Variants in DTNBP1 observed in about 807,000 individuals in gnomAD.
DTNBP1 encodes dystrobrevin binding protein 1, also known as dysbindin.
In DTNBP1, 35 loss-of-function variants were observed where a neutral mutation model predicts 42.8. The ratio of observed to expected loss-of-function variants is 0.82; its 90% CI spans 0.63 to 1.09. The LOEUF is 1.09. Ranked by LOEUF, DTNBP1 falls within the 50% of genes least tolerant of loss-of-function variation. The pLI, the probability that DTNBP1 is intolerant of heterozygous loss-of-function variation, is 0.00. For synonymous variants in DTNBP1, 171 were observed against 162.2 expected (o/e 1.05, Z -0.41); for missense variants, 457 against 424.2 (o/e 1.08, Z -0.68).
intron 7 of DTNBP1, among the ~76,000 whole-genome samples, chr6:15,575,999 T>A (rs1391769705): frequency 5.3e-5 from 8 of 152,208 alleles, no homozygotes; most frequent in Non-Finnish European, 8.8e-5. Flanking sequence ...CGGGATGACT[T>A]TTGTCTACTA....
At chr6:15,527,453 T>C (rs1440951080) in intron 8 of DTNBP1, among the ~76,000 whole-genome samples, 1 of 152,132 alleles carries the variant, frequency 6.6e-6, no homozygotes, top group Non-Finnish European at 1.5e-5. Context: ...ACAAATCAAA[T>C]ATGAAATGCT....
intron 7 of DTNBP1, among the ~76,000 whole-genome samples, chr6:15,573,044 A>C (rs2113533810): frequency 6.6e-6 from 1 of 152,306 alleles, no homozygotes; most frequent in East Asian, 1.9e-4. Context: ...CCATGTTCTT[A>C]ATCATCTGCT....
At chr6:15,540,162 A>T (rs1383296413) in intron 7 of DTNBP1, among the ~76,000 whole-genome samples, 2 of 152,150 alleles carry the variant, frequency 1.3e-5, no homozygotes, top group African/African-American at 4.8e-5. Flanking sequence ...AGTACTCTTA[A>T]TAAATCTGCA....
rs1180058887 is a variant in DTNBP1, at chr6:15,587,048, A to G, written c.511+6011T>C. On this transcript the variant is annotated intron_variant, in intron 7 of 9. Transcript: ENST00000344537. The surrounding 1 kb of genome is among the most constrained non-coding windows in gnomAD (Gnocchi z 4.1). The stretch of plus-strand genomic sequence containing the variant: ...ACCCCGGGCTTCCATTCCCACCTAC[A>G]TGCTGGCTACTCTCAAATCTAGCTC... 1.3e-5 allele frequency among the ~76,000 whole-genome samples: 2 copies of G among 152,048 alleles called. No individual in the cohort carries two copies. Among genetic ancestry groups the G allele is most frequent in the African/African-American group, 2.4e-5 (1 of 41,396 alleles).
chr6:15,599,732 A>G (rs907611368), intron 6 of DTNBP1, among the ~76,000 whole-genome samples: 1 of 152,192 alleles, frequency 6.6e-6, no homozygotes, highest in Non-Finnish European at 1.5e-5. Flanking sequence ...TGCAAAAAAC[A>G]CTTTTATTTT....
intron 5 of DTNBP1, among the ~76,000 whole-genome samples, chr6:15,625,068 G>T (rs1185849385): frequency 6.6e-6 from 1 of 152,096 alleles, no homozygotes; most frequent in African/African-American, 2.4e-5. Context: ...AACTCTCTCT[G>T]GGCTTATTCT....
At position 15,607,312 on chromosome 6, in the gene DTNBP1, G is replaced by T. The variant is rs528900261; in HGVS notation, c.488+7955C>A. 1.9e-3 allele frequency among the ~76,000 whole-genome samples: 290 copies of T among 149,084 alleles called. 3 individuals carry two copies. The highest frequency in any genetic ancestry group is 6.5e-3 in the African/African-American group (261 of 40,382). On this transcript the variant is annotated intron_variant, in intron 6 of 9. Transcript: ENST00000344537. ...CTGTGCCCGGCCAAAATATTTCTTT[G>T]TTTTTTTGAGACAGAGTCTCACTCT...
chr6:15,585,726 C>T lies in DTNBP1; in HGVS notation c.511+7333G>A, dbSNP rs1169413561. The T allele has an allele frequency of 2.0e-6, 3 of 1,534,880 alleles. No homozygotes were observed. The Admixed American group carries it at 5.9e-5, about 30-fold the overall frequency. On this transcript the variant is annotated intron_variant, in intron 7 of 9. Coordinates refer to ENST00000344537, the MANE Select transcript of DTNBP1 (RefSeq NM_032122.5). ...AAATAAAGTTCCACCTACAGGGATC[C>T]CTCTGACTATTTTCGGTGAGTCCTG...
In DTNBP1 at chr6:15,524,644, C is replaced by A. The variant is rs1033915803; in HGVS notation, c.693G>T (p.Met231Ile). ...RREPIGSMSS[M>I]EVNVDMLEQM... ...GCTCCAGCATGTCCACGTTCACTTCCATGGATGACATGCTGCCTATGGGCT... is the reference window on the plus strand; with the variant it reads ...GCTCCAGCATGTCCACGTTCACTTCAATGGATGACATGCTGCCTATGGGCT... Residue 231 changes from methionine (M) to isoleucine (I), a missense_variant, in exon 9 of 10, where the codon ATG becomes ATT. By Grantham distance (10) the Met-to-Ile change is conservative. Transcript: ENST00000344537. 1 of 1,613,660 alleles carries A rather than the reference C, an allele frequency of 6.2e-7. No homozygotes were observed. Among genetic ancestry groups the A allele is most frequent in the Admixed American group, 1.7e-5 (1 of 60,026 alleles).
At chr6:15,659,658 T>G (rs1430138864) in intron 1 of DTNBP1, among the ~76,000 whole-genome samples, 1 of 151,846 alleles carries the variant, frequency 6.6e-6, no homozygotes, top group Non-Finnish European at 1.5e-5. Flanking sequence ...ATTCAAGAGA[T>G]TCTTCTGCCT....
chr6:15,533,537 A>T, intron 7 of DTNBP1, 142 bp from the exon 8 acceptor site: 1 of 1,380,492 alleles, frequency 7.2e-7, no homozygotes, highest in Non-Finnish European at 1.0e-6. Context: ...GACTGCGTGT[A>T]CAGCTGGCCT....
At chr6:15,523,690 A>G (rs1772106112) in intron 9 of DTNBP1, 2 of 1,287,150 alleles carry the variant, frequency 1.6e-6, no homozygotes, top group South Asian at 1.2e-5. Context: ...AAAATTCTAT[A>G]TGCAGGTGTC....
At position 15,662,551 on chromosome 6, in the gene DTNBP1, C is replaced by G. The variant is rs559397217; in HGVS notation, c.56+263G>C. ...AAAGGACCGCAGGGTCCCACACCCC[C>G]CCCGGGCGCTCCGCTGCGCCGCCGA... On this transcript the variant is annotated intron_variant, in intron 1 of 9. Coordinates refer to ENST00000344537, the MANE Select transcript of DTNBP1 (RefSeq NM_032122.5). 7.2e-5 allele frequency among the ~76,000 whole-genome samples: 11 copies of G among 152,346 alleles called. No individual in the cohort carries two copies. The East Asian group carries it at 1.7e-3, about 24-fold the overall frequency.
chr6:15,654,377 G>A lies in DTNBP1; in HGVS notation c.57-2237C>T, dbSNP rs9396596. On this transcript the variant is annotated intron_variant, in intron 1 of 9. Coordinates refer to ENST00000344537, the MANE Select transcript of DTNBP1 (RefSeq NM_032122.5). Reference sequence around the variant, plus strand: ...GAACATCTCAGGCAAAATTATCCTAGTTATATACAGCAGTGCCTCATACTC... The same window carrying A: ...GAACATCTCAGGCAAAATTATCCTAATTATATACAGCAGTGCCTCATACTC... Among the ~76,000 whole-genome samples the A allele has an allele frequency of 7.9e-5, 12 of 152,248 alleles. No homozygotes were observed. The East Asian group carries it at 2.3e-3, about 29-fold the overall frequency.
intron 7 of DTNBP1, among the ~76,000 whole-genome samples, chr6:15,558,025 T>A (rs1561957987): frequency 6.6e-6 from 1 of 151,910 alleles, no homozygotes; most frequent in Non-Finnish European, 1.5e-5. Context: ...GGGTTGTATC[T>A]ATATAAATAT....
At chr6:15,609,241 C>T (rs867085550) in intron 6 of DTNBP1, among the ~76,000 whole-genome samples, 36 of 151,734 alleles carry the variant, frequency 2.4e-4, no homozygotes, top group Middle Eastern at 6.8e-3. Context: ...TCCTTTTCTA[C>T]AGCATCTTTT....
intron 5 of DTNBP1, among the ~76,000 whole-genome samples, chr6:15,617,191 C>A (rs1198680389): frequency 6.6e-6 from 1 of 151,852 alleles, no homozygotes; most frequent in African/African-American, 2.4e-5. Flanking sequence ...CTCTACAAGA[C>A]AAAGTATAAA....
At chr6:15,525,568 G>A (rs1225727020) in intron 8 of DTNBP1, among the ~76,000 whole-genome samples, 1 of 152,200 alleles carries the variant, frequency 6.6e-6, no homozygotes, top group African/African-American at 2.4e-5. Flanking sequence ...ACAGTCACAG[G>A]AAAGGTGAAG....
chr6:15,528,965 C>T (rs1003908965), intron 8 of DTNBP1, among the ~76,000 whole-genome samples: 6 of 152,142 alleles, frequency 3.9e-5, no homozygotes, highest in East Asian at 3.9e-4. Context: ...GCAACTCTTA[C>T]GTATATGTAC....
Sources: allele counts gnomAD v4.1 joint callset (sites outside exome capture counted in the v4.1 genomes callset), GRCh38; gene constraint gnomAD v4.1.1; non-coding constraint Gnocchi (gnomAD v3.1); transcripts MANE v1.5; gene names NCBI Gene and HGNC (gene_info 2026-07-23, HGNC 2026-07-21).